The following PTPRK variants were observed in gnomAD, a reference collection of about 807,000 sequenced individuals.
PTPRK encodes protein tyrosine phosphatase receptor type K, also known as receptor-type tyrosine-protein phosphatase kappa.
A neutral mutation model predicts 178.0 loss-of-function variants in PTPRK; 75 were observed. The ratio of observed to expected loss-of-function variants is 0.42; its 90% confidence interval spans 0.35 to 0.51. The LOEUF (loss-of-function observed/expected upper bound fraction) is 0.51. PTPRK is among the 20% of genes least tolerant of loss of function. PTPRK has a pLI of 0.02. For missense variants in PTPRK, 1,441 were observed against 1,797.8 expected (o/e 0.80, Z 3.59); for synonymous variants, 637 against 620.6 (o/e 1.03, Z -0.39).
chr6:128,508,430 C>T lies in PTPRK; in HGVS notation c.100+11829G>A, dbSNP rs187593308. Among the ~76,000 whole-genome samples, 245 of 152,084 alleles carry T rather than the reference C, an allele frequency of 1.6e-3. 1 individual carries two copies. Among genetic ancestry groups the T allele is most frequent in the African/African-American group, 5.3e-3 (218 of 41,462 alleles). ...GGCAAGAGCATGTTCTAGCTTATCA[C>T]GAAAATTTTTAAAAGGAAAAAAGTA... is the stretch of plus-strand genomic sequence containing the variant. On this transcript the variant is annotated intron_variant, in intron 1 of 29. Coordinates refer to ENST00000368226, the MANE Select transcript of PTPRK (RefSeq NM_002844.4).
chr6:128,352,267 A>AAC (rs1488228869), intron 2 of PTPRK, among the ~76,000 whole-genome samples: 4 of 151,314 alleles, frequency 2.6e-5, no homozygotes, highest in Non-Finnish European at 5.9e-5. Context: ...AAAAAAAAAA[A>AAC]AAAAGAAATA....
At chr6:128,323,188 A>G (rs1159988626) in intron 2 of PTPRK, among the ~76,000 whole-genome samples, 1 of 152,124 alleles carries the variant, frequency 6.6e-6, no homozygotes, top group Non-Finnish European at 1.5e-5. Context: ...TAGACTTTCC[A>G]TTGCAGACAA....
rs76232375 is a variant in PTPRK at position 128,209,883 on chromosome 6, G to C, written c.868+9039C>G. Among the ~76,000 whole-genome samples, 65 of 152,230 alleles carry C rather than the reference G, an allele frequency of 4.3e-4. 5 individuals are homozygous for C. In the East Asian group the frequency reaches 0.011, roughly 26 times the overall value. On this transcript the variant is annotated intron_variant, in intron 6 of 29. Transcript: ENST00000368226. ...AGGAGAGTCTTATGAAGGACTGAAGGGGGTGAGCCCAGCTAAAAGCCTAGG... is the reference window on the plus strand; with the variant it reads ...AGGAGAGTCTTATGAAGGACTGAAGCGGGTGAGCCCAGCTAAAAGCCTAGG...
intron 1 of PTPRK, among the ~76,000 whole-genome samples, chr6:128,421,592 A>G (rs889459057): frequency 6.6e-6 from 1 of 152,228 alleles, no homozygotes; most frequent in Non-Finnish European, 1.5e-5. Flanking sequence ...TCACTTTTCC[A>G]GAATTACGAT....
chr6:128,371,495 G>C (rs147370462), intron 2 of PTPRK, among the ~76,000 whole-genome samples: 2,184 of 152,168 alleles, frequency 0.014, 55 homozygotes, highest in African/African-American at 0.05. Flanking sequence ...TTAAAACCTG[G>C]AACACTTCAA....
At chr6:128,017,802 G>GTATATATATATATATATATATATATA (rs34836605) in intron 13 of PTPRK, among the ~76,000 whole-genome samples, 5 of 101,260 alleles carry the variant, frequency 4.9e-5, no homozygotes, top group African/African-American at 1.7e-4. Context: ...ATATATATGT[G>GTATATATATATATATATATATATATA]TATATATATA....
intron 7 of PTPRK, among the ~76,000 whole-genome samples, chr6:128,145,786 G>A (rs1217870012): frequency 2.0e-5 from 3 of 152,100 alleles, no homozygotes; most frequent in East Asian, 1.9e-4. Context: ...TACAACATAC[G>A]TATCTTACAG....
At chr6:128,412,275 C>T (rs779573153) in intron 1 of PTPRK, among the ~76,000 whole-genome samples, 9 of 152,188 alleles carry the variant, frequency 5.9e-5, no homozygotes, top group Non-Finnish European at 1.2e-4. Context: ...CTGAACAATT[C>T]ATTTAATCCC....
At chr6:128,371,873 C>T (rs1317269549) in intron 2 of PTPRK, among the ~76,000 whole-genome samples, 1 of 147,934 alleles carries the variant, frequency 6.8e-6, no homozygotes, top group Non-Finnish European at 1.5e-5. Flanking sequence ...AAGACCTTGT[C>T]TCAAAAAAAA....
chr6:128,400,356 A>G (rs1054843588), intron 1 of PTPRK, among the ~76,000 whole-genome samples: 1 of 152,190 alleles, frequency 6.6e-6, no homozygotes, highest in Non-Finnish European at 1.5e-5. Context: ...ATAACTCTAA[A>G]GGAACATCAT....
intron 14 of PTPRK, 58 bp downstream of exon 14, chr6:128,009,072 T>G (rs1197990418): frequency 1.6e-5 from 23 of 1,465,510 alleles, no homozygotes; most frequent in Non-Finnish European, 1.9e-5. Flanking sequence ...AAAAACAGGT[T>G]TTTAAAACCA....
At position 128,209,898 on chromosome 6, in the gene PTPRK, A is replaced by G. The variant is rs1337781521; in HGVS notation, c.868+9024T>C. 3.9e-5 allele frequency among the ~76,000 whole-genome samples: 6 copies of G among 152,250 alleles called. No homozygotes were observed. In the East Asian group the frequency reaches 1.2e-3, roughly 29 times the overall value. ...AGGACTGAAGGGGGTGAGCCCAGCT[A>G]AAAGCCTAGGAGCAAGCAGGGCCTT... On this transcript the variant is annotated intron_variant, in intron 6 of 29. Transcript: ENST00000368226.
At chr6:128,337,303 C>G (rs1458619947) in intron 2 of PTPRK, among the ~76,000 whole-genome samples, 2 of 152,072 alleles carry the variant, frequency 1.3e-5, no homozygotes, top group Non-Finnish European at 2.9e-5. Context: ...AGCTGATACT[C>G]CATCAGTGGA....
chr6:128,379,608 A>G (rs1038647866), intron 2 of PTPRK, among the ~76,000 whole-genome samples: 1 of 152,238 alleles, frequency 6.6e-6, no homozygotes, highest in East Asian at 1.9e-4. Context: ...CTTCCAAGAT[A>G]AGAAGTTCTT....
chr6:128,056,352 G>A (rs9321109), intron 13 of PTPRK, among the ~76,000 whole-genome samples: 126,648 of 151,992 alleles, frequency 0.83, 53,211 homozygotes, highest in East Asian at 1. Context: ...AAGACCTCAC[G>A]TCATCATGTA....
intron 10 of PTPRK, among the ~76,000 whole-genome samples, chr6:128,082,115 A>G (rs529076907): frequency 6.6e-6 from 1 of 152,222 alleles, no homozygotes; most frequent in South Asian, 2.1e-4. Flanking sequence ...TAAAGGTCTG[A>G]CACCATAATA....
intron 18 of PTPRK, among the ~76,000 whole-genome samples, chr6:127,994,422 T>C (rs1350226675): frequency 1.3e-5 from 2 of 151,918 alleles, no homozygotes; most frequent in East Asian, 3.9e-4. Flanking sequence ...GTGCTAAATA[T>C]ATGCTAGGCA....
At chr6:128,238,183 GCC>G in intron 5 of PTPRK, 1 of 211,216 alleles carries the variant, frequency 4.7e-6, no homozygotes, top group Non-Finnish European at 8.7e-6. Flanking sequence ...TGTAGCAAAC[GCC>G]AAAAAAAAAA....
At chr6:128,242,812 T>G (rs936848845) in intron 3 of PTPRK, among the ~76,000 whole-genome samples, 4 of 152,350 alleles carry the variant, frequency 2.6e-5, no homozygotes, top group African/African-American at 9.6e-5. Context: ...TTACAGAGGT[T>G]AAGCAGCTTA....
Sources: allele counts gnomAD v4.1 joint callset (sites outside exome capture counted in the v4.1 genomes callset), GRCh38; gene constraint gnomAD v4.1.1; transcripts MANE v1.5; gene names NCBI Gene and HGNC (gene_info 2026-07-23, HGNC 2026-07-21).